LRRC7: variants seen among roughly 807,000 people sequenced by gnomAD.
The protein encoded by LRRC7 is leucine rich repeat containing 7.
In LRRC7, 23 loss-of-function variants were observed where a neutral mutation model predicts 175.7. The ratio of observed to expected loss-of-function variants is 0.13; its 90% CI spans 0.09 to 0.19. The LOEUF is 0.19. Among genes scored for constraint, LRRC7 ranks in the 10% least tolerant of loss-of-function variants. LRRC7 has a pLI of 1.00. For synonymous variants in LRRC7, 685 were observed against 680.9 expected, an observed-to-expected ratio of 1.01 and a Z score of -0.09; for missense variants, 1,354 against 1,904.7, an observed-to-expected ratio of 0.71 and a Z score of 5.38.
At chr1:69,881,907 A>G (rs1305784079) in intron 7 of LRRC7, among the ~76,000 whole-genome samples, 1 of 151,344 alleles carries the variant, frequency 6.6e-6, no homozygotes, top group African/African-American at 2.4e-5. Context: ...AAAAAGAACA[A>G]ATACAAGGCA....
intron 3 of LRRC7, among the ~76,000 whole-genome samples, chr1:69,768,631 C>T (rs1671886471): frequency 6.6e-6 from 1 of 152,124 alleles, no homozygotes; most frequent in Non-Finnish European, 1.5e-5. Context: ...GGAATGAGAG[C>T]TTTGACAGTG....
intron 4 of LRRC7, among the ~76,000 whole-genome samples, chr1:69,797,249 A>G (rs1675899679): frequency 6.6e-6 from 1 of 152,212 alleles, no homozygotes; most frequent in African/African-American, 2.4e-5. Context: ...TAGCCACTAA[A>G]GTCAGCTCTA....
rs565613871 is a variant in LRRC7, at chr1:69,718,300, A to G, written c.100+39822A>G. Among the ~76,000 whole-genome samples the G allele has an allele frequency of 5.3e-5, 8 of 151,852 alleles. No homozygotes were observed. The East Asian group carries it at 1.5e-3, about 29-fold the overall frequency. The stretch of plus-strand genomic sequence containing the variant: ...TAAGCCAGTCTCAGGAATGTGGTAG[A>G]GGTAGAGAAGAGAAGAAGAACTTGA... On this transcript the variant is annotated intron_variant, in intron 2 of 26. Coordinates refer to ENST00000651989, the MANE Select transcript of LRRC7 (RefSeq NM_001370785.2).
In LRRC7 at chr1:70,013,102, C is replaced by A; in HGVS notation, c.1250+13C>A. The A allele has an allele frequency of 1.4e-6, 2 of 1,443,950 alleles. No individual in the cohort carries two copies. The highest frequency in any genetic ancestry group is 1.9e-6 in the Non-Finnish European group (2 of 1,050,466). The allele number at this position is 1,443,950 out of a possible 1,614,324, so 89.4% of individuals were successfully genotyped here. ...TGAGTGACAACAGGTATTTTTGCAA[C>A]ATTTCACAATCACATATTAGTTATT... On this transcript the variant is annotated intron_variant, in intron 13 of 26. Coordinates refer to ENST00000651989, the MANE Select transcript of LRRC7 (RefSeq NM_001370785.2).
At chr1:69,633,510 C>A (rs1036021080) in intron 1 of LRRC7, among the ~76,000 whole-genome samples, 1 of 152,032 alleles carries the variant, frequency 6.6e-6, no homozygotes, top group Admixed American at 6.6e-5. Flanking sequence ...CTCACTGCAA[C>A]CTCTGCCTCC....
rs1229248421 is a variant in LRRC7 at position 70,143,399 on chromosome 1, A to ACTT, written c.*21516_*21518dup. 1 of 152,114 alleles carries ACTT rather than the reference A, an allele frequency of 6.6e-6. No individual in the cohort carries two copies. Among genetic ancestry groups the ACTT allele is most frequent in the Non-Finnish European group, 1.5e-5 (1 of 68,012 alleles). The allele number at this position is 152,114 out of a possible 1,614,324, so 9.4% of individuals were successfully genotyped here. ...CTGGTAAAGAAAGTGCTTCTTTATGACTTCTTTTGCAGTCTTTGTGAACCT... is the reference window on the plus strand; with the variant it reads ...CTGGTAAAGAAAGTGCTTCTTTATGACTTCTTCTTTTGCAGTCTTTGTGAACCT... On this transcript the variant is annotated 3_prime_UTR_variant, in exon 27 of 27. Coordinates refer to ENST00000651989, the MANE Select transcript of LRRC7 (RefSeq NM_001370785.2).
intron 3 of LRRC7, among the ~76,000 whole-genome samples, chr1:69,770,811 C>T (rs1672157106): frequency 6.6e-6 from 1 of 152,140 alleles, no homozygotes; most frequent in Non-Finnish European, 1.5e-5. Flanking sequence ...GGAGGGCTCT[C>T]CTTAGATCCT....
In LRRC7 at chr1:69,619,034, T is replaced by C. The variant is rs371691667; in HGVS notation, c.2+50393T>C. Among the ~76,000 whole-genome samples, 261 of 152,244 alleles carry C rather than the reference T, an allele frequency of 1.7e-3. 1 individual carries two copies. The highest frequency in any genetic ancestry group is 0.01 in the Middle Eastern group (3 of 294). ...CCTTGACAGTGAGTGGCTTAGATAA[T>C]AAATGCTTATTTCTGAATCATGTCT... On this transcript the variant is annotated intron_variant, in intron 1 of 26. Coordinates refer to ENST00000651989, the MANE Select transcript of LRRC7 (RefSeq NM_001370785.2).
chr1:70,022,976 T>C lies in LRRC7; in HGVS notation c.1546-150T>C, dbSNP rs189724921. The stretch of plus-strand genomic sequence containing the variant: ...TAGCATCATATAAAATTAGTACTGT[T>C]TTATACATGGATTTAAAACTAACTT... On this transcript the variant is annotated intron_variant, in intron 16 of 26. Coordinates refer to ENST00000651989, the MANE Select transcript of LRRC7 (RefSeq NM_001370785.2). 6.1e-6 allele frequency: 6 copies of C among 979,258 alleles called. No homozygotes were observed. The East Asian group carries it at 1.7e-4, about 28-fold the overall frequency. 60.7% of individuals were successfully genotyped at this position (979,258 alleles called of 1,614,324 possible).
chr1:69,816,908 A>T (rs1043366466), intron 4 of LRRC7, among the ~76,000 whole-genome samples: 1 of 152,048 alleles, frequency 6.6e-6, no homozygotes, highest in African/African-American at 2.4e-5. Flanking sequence ...TTGTCTTTCT[A>T]TGTCTAGCTT....
intron 20 of LRRC7, among the ~76,000 whole-genome samples, chr1:70,037,107 A>G (rs920496941): frequency 1.3e-5 from 2 of 152,162 alleles, no homozygotes; most frequent in Non-Finnish European, 2.9e-5. Flanking sequence ...CTCCTCCTCT[A>G]TATTACTCTA....
At chr1:69,832,389 C>A (rs1680627951) in intron 5 of LRRC7, among the ~76,000 whole-genome samples, 1 of 152,096 alleles carries the variant, frequency 6.6e-6, no homozygotes, top group Non-Finnish European at 1.5e-5. Flanking sequence ...AGGAAAGGGG[C>A]AGGCAATCAT....
chr1:69,739,824 G>A (rs760960093), intron 2 of LRRC7, among the ~76,000 whole-genome samples: 4 of 152,078 alleles, frequency 2.6e-5, no homozygotes, highest in Non-Finnish European at 5.9e-5. Flanking sequence ...GAATTTTCAA[G>A]ATGTCAATCA....
At chr1:69,747,017 T>G (rs1473277870) in intron 2 of LRRC7, among the ~76,000 whole-genome samples, 1 of 152,164 alleles carries the variant, frequency 6.6e-6, no homozygotes, top group Non-Finnish European at 1.5e-5. Context: ...TCCCATCATC[T>G]TCCTTCTGTG....
chr1:70,034,804 A>G (rs890861109), intron 18 of LRRC7, among the ~76,000 whole-genome samples: 1 of 152,204 alleles, frequency 6.6e-6, no homozygotes, highest in African/African-American at 2.4e-5. Context: ...TATTCTATTT[A>G]AAAAATTAAC....
chr1:69,593,609 C>T (rs1231625799), intron 1 of LRRC7, among the ~76,000 whole-genome samples: 1 of 152,064 alleles, frequency 6.6e-6, no homozygotes, highest in Admixed American at 6.6e-5. Context: ...TTTTGTAACA[C>T]CAAATTGCAA....
chr1:69,779,133 C>A (rs1213827547), intron 3 of LRRC7, among the ~76,000 whole-genome samples: 4 of 152,016 alleles, frequency 2.6e-5, no homozygotes, highest in Non-Finnish European at 5.9e-5. Context: ...ACATTGATTA[C>A]CCTCTATAGA....
At chr1:70,088,369 C>A (rs540225563) in intron 24 of LRRC7, among the ~76,000 whole-genome samples, 1 of 151,874 alleles carries the variant, frequency 6.6e-6, no homozygotes, top group Non-Finnish European at 1.5e-5. Context: ...CTAGCCCGGG[C>A]AACACAGCAA....
intron 23 of LRRC7, among the ~76,000 whole-genome samples, chr1:70,072,389 T>C (rs1433733566): frequency 6.6e-6 from 1 of 152,224 alleles, no homozygotes. Flanking sequence ...TCATTACTTT[T>C]CTCAAGCCTT....
Sources: gnomAD v4.1 joint callset for allele counts (sites outside exome capture counted in the v4.1 genomes callset) on GRCh38, gnomAD v4.1.1 for gene constraint, MANE v1.5 for transcripts, NCBI Gene and HGNC (gene_info 2026-07-23, HGNC 2026-07-21) for gene names.